The following MTA3 variants were observed in gnomAD, a reference collection of about 807,000 sequenced individuals.
MTA3 encodes metastasis associated 1 family member 3, also known as metastasis-associated protein MTA3.
MTA3 carries 34 observed loss-of-function variants against 83.5 expected under a neutral mutation model. That is an observed-to-expected ratio of 0.41 (90% CI 0.31 to 0.54). The LOEUF (loss-of-function observed/expected upper bound fraction) is 0.54. Among genes scored for constraint, MTA3 ranks in the 20% least tolerant of loss-of-function variants. The pLI is 0.33. For synonymous variants in MTA3, 303 were observed against 252.7 expected, an observed-to-expected ratio of 1.20 and a Z score of -1.89; for missense variants, 761 against 726.4, an observed-to-expected ratio of 1.05 and a Z score of -0.55.
At chr2:42,716,643 C>T (rs1402374269) in intron 14 of MTA3, among the ~76,000 whole-genome samples, 1 of 152,186 alleles carries the variant, frequency 6.6e-6, no homozygotes, top group Non-Finnish European at 1.5e-5. Flanking sequence ...CATCCATGTT[C>T]CTGCAAAGGA....
At chr2:42,640,713 A>C (rs145639109) in intron 5 of MTA3, among the ~76,000 whole-genome samples, 112 of 152,356 alleles carry the variant, frequency 7.4e-4, no homozygotes, top group Non-Finnish European at 1.3e-3. Flanking sequence ...GTAGTTAACA[A>C]GTTGAGATAG....
chr2:42,563,411 C>T (rs950708889), intron 2 of MTA3, among the ~76,000 whole-genome samples: 2 of 152,148 alleles, frequency 1.3e-5, no homozygotes, highest in African/African-American at 4.8e-5. Context: ...TCAGGTGATT[C>T]GCCTGCCTTA....
chr2:42,531,889 T>C (rs1220783412), intron 2 of MTA3, among the ~76,000 whole-genome samples: 1 of 152,130 alleles, frequency 6.6e-6, no homozygotes, highest in East Asian at 1.9e-4. Context: ...CCCGAGTAGC[T>C]GGGACTACAG....
intron 10 of MTA3, 132 bp from the exon 11 acceptor site, chr2:42,697,644 T>G (rs1362199871): frequency 3.2e-6 from 2 of 628,908 alleles, no homozygotes; most frequent in Non-Finnish European, 5.4e-6. Flanking sequence ...AATATGCATA[T>G]GAAAGAAAAG....
At chr2:42,605,157 C>G (rs1175965766) in intron 3 of MTA3, among the ~76,000 whole-genome samples, 1 of 147,514 alleles carries the variant, frequency 6.8e-6, no homozygotes, top group East Asian at 2.0e-4. Flanking sequence ...CCAGTAGGGG[C>G]GGCCGGGCAG....
rs1004463285 is a variant in MTA3 at position 42,754,587 on chromosome 2, C to A, written c.*1188C>A. 2.0e-5 allele frequency: 20 copies of A among 985,362 alleles called. No individual in the cohort carries two copies. The South Asian group carries it at 8.0e-4, about 39-fold the overall frequency. 61.0% of individuals were successfully genotyped at this position (985,362 alleles called of 1,614,324 possible). A position where few individuals can be genotyped will look rare whatever the true frequency, so the allele number is the denominator to read the frequency against. On this transcript the variant is annotated 3_prime_UTR_variant, in exon 17 of 17. Transcript: ENST00000405094. ...GAATAGCTCAGCGCCCGATGAGCTCCCTGAGCAGATGTGAGGCTGGCAACT... is the reference window on the plus strand; with the variant it reads ...GAATAGCTCAGCGCCCGATGAGCTCACTGAGCAGATGTGAGGCTGGCAACT...
intron 4 of MTA3, among the ~76,000 whole-genome samples, chr2:42,619,728 T>C (rs1172094333): frequency 6.6e-6 from 1 of 152,230 alleles, no homozygotes; most frequent in Admixed American, 6.5e-5. Context: ...ATTATTTCTT[T>C]ATGCCCAGAT....
chr2:42,536,675 C>T (rs1352877058), intron 2 of MTA3, among the ~76,000 whole-genome samples: 3 of 151,488 alleles, frequency 2.0e-5, no homozygotes, highest in Non-Finnish European at 2.9e-5. Flanking sequence ...CTGGCTAACA[C>T]GGTGAAACCC....
chr2:42,753,648 T>C lies in MTA3; in HGVS notation c.*249T>C. On this transcript the variant is annotated 3_prime_UTR_variant, in exon 17 of 17. Transcript: ENST00000405094. ...GACCTCGCTGTTACGGAGCGAGACC[T>C]GCTGAGAATTGAGGGGCTGAGGGAA... 7.6e-7 allele frequency: 1 copy of C among 1,315,076 alleles called. No individual in the cohort carries two copies. The highest frequency in any genetic ancestry group is 9.7e-7 in the Non-Finnish European group (1 of 1,026,972). 81.5% of individuals were successfully genotyped at this position (1,315,076 alleles called of 1,614,324 possible).
chr2:42,649,938 G>C (rs766351775), intron 6 of MTA3, among the ~76,000 whole-genome samples: 3 of 152,198 alleles, frequency 2.0e-5, no homozygotes, highest in Non-Finnish European at 4.4e-5. Context: ...AATGGCAATA[G>C]AGATTTAACT....
At chr2:42,521,479 T>C (rs1675428014) in intron 2 of MTA3, among the ~76,000 whole-genome samples, 1 of 152,146 alleles carries the variant, frequency 6.6e-6, no homozygotes, top group Non-Finnish European at 1.5e-5. Context: ...AGTTTTGGGG[T>C]AATTTATCAC....
At position 42,581,634 on chromosome 2, in the gene MTA3, C is replaced by T. The variant is rs147780811; in HGVS notation, c.190+2434C>T. 1.1e-4 allele frequency among the ~76,000 whole-genome samples: 16 copies of T among 151,724 alleles called. No homozygotes were observed. In the East Asian group the frequency reaches 2.7e-3, roughly 26 times the overall value. On this transcript the variant is annotated intron_variant, in intron 3 of 16. Coordinates refer to ENST00000405094, the MANE Select transcript of MTA3 (RefSeq NM_001330442.2). ...TTGGCCTCAAGCAGTCCTCCGACCTCGGCCTCCCAAAATGTTGGGATTACA... is the reference window on the plus strand; with the variant it reads ...TTGGCCTCAAGCAGTCCTCCGACCTTGGCCTCCCAAAATGTTGGGATTACA...
chr2:42,614,523 C>T (rs1684618801), intron 4 of MTA3, among the ~76,000 whole-genome samples: 1 of 152,208 alleles, frequency 6.6e-6, no homozygotes, highest in Non-Finnish European at 1.5e-5. Flanking sequence ...ATGGGCAACA[C>T]AACTCCTCAC....
chr2:42,510,620 G>C (rs911204703), intron 2 of MTA3, among the ~76,000 whole-genome samples: 1 of 152,194 alleles, frequency 6.6e-6, no homozygotes, highest in African/African-American at 2.4e-5. Flanking sequence ...CTTCTTTCCT[G>C]TAGTATCTTG....
intron 2 of MTA3, among the ~76,000 whole-genome samples, chr2:42,574,369 T>C (rs934281820): frequency 2.3e-4 from 34 of 146,874 alleles, no homozygotes; most frequent in African/African-American, 8.3e-4. Context: ...TCAGGTGATC[T>C]ACCACCTCGG....
intron 16 of MTA3, among the ~76,000 whole-genome samples, chr2:42,743,542 G>T (rs1669190349): frequency 6.6e-6 from 1 of 152,102 alleles, no homozygotes; most frequent in Admixed American, 6.5e-5. Context: ...CTCTCCTCTG[G>T]CTTATTTCCC....
At chr2:42,655,460 A>G (rs1056296284) in intron 6 of MTA3, among the ~76,000 whole-genome samples, 1 of 151,994 alleles carries the variant, frequency 6.6e-6, no homozygotes, top group African/African-American at 2.4e-5. Flanking sequence ...CTCCTTCATG[A>G]TATTGTTTCT....
In MTA3 at chr2:42,609,470, A is replaced by C. The variant is rs754823672; in HGVS notation, c.203A>C (p.Glu68Ala). ...TTTATTTGTGTAGAAGAAATTGAGG[A>C]AGAATCTGAAACAACAGTTGAGGCT... ...LADKHAKEIE[E>A]ESETTVEADL... Residue 68 changes from glutamate (E) to alanine (A), a missense_variant, in exon 4 of 17, where the codon GAA becomes GCA. Physicochemically the swap from Glu to Ala is moderately radical, Grantham distance 107. Transcript: ENST00000405094. The C allele has an allele frequency of 2.1e-5, 34 of 1,613,494 alleles. No homozygotes were observed. In the Admixed American group the frequency reaches 4.2e-4, roughly 20 times the overall value.
chr2:42,631,045 C>A (rs373310573), intron 4 of MTA3, among the ~76,000 whole-genome samples: 1 of 152,160 alleles, frequency 6.6e-6, no homozygotes, highest in African/African-American at 2.4e-5. Flanking sequence ...TACTTGGAAT[C>A]TTTAAAATAA....
Sources: allele counts gnomAD v4.1 joint callset (sites outside exome capture counted in the v4.1 genomes callset), GRCh38; gene constraint gnomAD v4.1.1; transcripts MANE v1.5; gene names NCBI Gene and HGNC (gene_info 2026-07-23, HGNC 2026-07-21).